Variants in AXIN2 observed in about 807,000 individuals in gnomAD.
AXIN2 encodes axin 2.
In AXIN2, 21 loss-of-function variants were observed where a neutral mutation model predicts 74.7. That is an observed-to-expected ratio of 0.28 (90% CI 0.20 to 0.40). The LOEUF is 0.40. AXIN2 is among the 10% of genes least tolerant of loss of function. The pLI, the probability that AXIN2 is intolerant of heterozygous loss-of-function variation, is 1.00. For missense variants in AXIN2, 1,144 were observed against 1,111.1 expected (o/e 1.03, Z -0.42); for synonymous variants, 532 against 454.9 (o/e 1.17, Z -2.16).
chr17:65,530,641 T>C (rs2043800779), intron 10 of AXIN2, among the ~76,000 whole-genome samples: 2 of 152,132 alleles, frequency 1.3e-5, no homozygotes, highest in Admixed American at 1.3e-4. Flanking sequence ...GGCCTTCCCA[T>C]CCTCCAGGTC....
At chr17:65,548,083 A>G (rs2044141015) in intron 3 of AXIN2, among the ~76,000 whole-genome samples, 1 of 152,242 alleles carries the variant, frequency 6.6e-6, no homozygotes, top group African/African-American at 2.4e-5. Context: ...AATTTCAGTC[A>G]ATATGGAAAA....
intron 2 of AXIN2, among the ~76,000 whole-genome samples, chr17:65,555,309 T>C (rs1212878330): frequency 6.6e-6 from 1 of 152,146 alleles, no homozygotes; most frequent in Non-Finnish European, 1.5e-5. Flanking sequence ...AGATGCCAGG[T>C]ACTCTGCAGA....
Position 65,538,233 on chromosome 17 carries a change from G to C in AXIN2, c.1170C>G (p.Ser390Arg). 6.2e-7 allele frequency: 1 copy of C among 1,614,176 alleles called. No individual in the cohort carries two copies. The highest frequency in any genetic ancestry group is 8.5e-7 in the Non-Finnish European group (1 of 1,180,038). The change falls in exon 5 of 11, where the codon AGC becomes AGG. Residue 390 changes from serine to arginine, a missense_variant. By Grantham distance (110) the Ser-to-Arg change is moderately radical (BLOSUM62 -1). This residue lies in a region of AXIN2 where 1,053 missense variants were observed against 973.5 expected (regional missense o/e 1.08). Transcript: ENST00000307078. ...KLKLELESRHSLEERLQQIRE... is the reference protein window; with the variant it reads ...KLKLELESRHRLEERLQQIRE... ...GGATCTGCTGCAGGCGCTCCTCCAG[G>C]CTGTGGCGGCTCTCCAACTCCAGCT...
rs1057522399 is a variant in AXIN2, at chr17:65,537,557, C to T, written c.1479G>A (p.Ser493=). Residue 493 remains serine, a synonymous_variant, in exon 6 of 11, where the codon TCG becomes TCA. Coordinates refer to ENST00000307078, the MANE Select transcript of AXIN2 (RefSeq NM_004655.4). ...CCCCGAGGAGGGGGCAGGCGCCCGGCGAGGCGGCCGCGGGAGGCAGCTTGC... is the reference window on the plus strand; with the variant it reads ...CCCCGAGGAGGGGGCAGGCGCCCGGTGAGGCGGCCGCGGGAGGCAGCTTGC... ...PGGKLPPAAA[S]PGACPLLGGK... 8 of 1,611,714 alleles carry T rather than the reference C, an allele frequency of 5.0e-6. No homozygotes were observed. Among genetic ancestry groups the T allele is most frequent in the African/African-American group, 1.3e-5 (1 of 74,836 alleles).
At position 65,536,321 on chromosome 17, in the gene AXIN2, G is replaced by A. The variant is rs148765149; in HGVS notation, c.2140C>T (p.Arg714Trp). The A allele has an allele frequency of 7.9e-5, 127 of 1,608,784 alleles. No homozygotes were observed. In the East Asian group the frequency reaches 2.5e-3, roughly 31 times the overall value. Residue 714 changes from arginine (R) to tryptophan (W), a missense_variant and splice_region_variant, in exon 8 of 11, where the codon CGG (arginine) becomes TGG (tryptophan). Transcript: ENST00000307078. ...LAEVSKPPKQ[R>W]CCVASQQRDR... is the part of the protein sequence containing the mutation. ...CTAGGACCCTTCACTTCCACTCACC[G>A]CTGCTTTGGGGGCTTCGACACCTCA...
chr17:65,547,290 A>T (rs1341858822), intron 3 of AXIN2, among the ~76,000 whole-genome samples: 1 of 152,194 alleles, frequency 6.6e-6, no homozygotes, highest in Non-Finnish European at 1.5e-5. Context: ...AAGTGGCTCA[A>T]AGGTCTCATG....
At chr17:65,558,882 G>A (rs1437311530) in intron 1 of AXIN2, 146 bp from the exon 2 acceptor site, 1 of 536,176 alleles carries the variant, frequency 1.9e-6, no homozygotes, top group Non-Finnish European at 3.3e-6. Context: ...TATCTGCGAG[G>A]TGCTCATCTA....
At position 65,537,403 on chromosome 17, in the gene AXIN2, C is replaced by A. The variant is rs148951121; in HGVS notation, c.1633G>T (p.Gly545Trp). 36 of 1,614,068 alleles carry A rather than the reference C, an allele frequency of 2.2e-5. No homozygotes were observed. The African/African-American group carries it at 4.4e-4, about 20-fold the overall frequency. ...ATQRVHCFCPGGSEYYCYSKC... is the reference protein window; with the variant it reads ...ATQRVHCFCPWGSEYYCYSKC... ...GAGTAGCAGTAATACTCGCTGCCCC[C>A]AGGGCAGAAGCAGTGCACCCGCTGC... is the stretch of plus-strand genomic sequence containing the variant. The change falls in exon 6 of 11, where the codon GGG (glycine) becomes TGG (tryptophan). Residue 545 changes from glycine to tryptophan, a missense_variant. Physicochemically the swap from Gly to Trp is radical, Grantham distance 184. Around this residue, in one of 4 missense-constraint regions of AXIN2, gnomAD observed 1,053 missense variants for 973.5 expected, o/e 1.08. Coordinates refer to ENST00000307078, the MANE Select transcript of AXIN2 (RefSeq NM_004655.4).
chr17:65,549,702 C>G lies in AXIN2; in HGVS notation c.816-42G>C, dbSNP rs191943038. 6.8e-5 allele frequency: 107 copies of G among 1,568,360 alleles called. No individual in the cohort carries two copies. In the Admixed American group the frequency reaches 2.0e-3, roughly 29 times the overall value. ...AAAGTGGTTCAGTCACTGACCCTCACCAGAAACCCAGGTAATCAGGTGACC... is the reference window on the plus strand; with the variant it reads ...AAAGTGGTTCAGTCACTGACCCTCAGCAGAAACCCAGGTAATCAGGTGACC... On this transcript the variant is annotated intron_variant, in intron 2 of 10. Coordinates refer to ENST00000307078, the MANE Select transcript of AXIN2 (RefSeq NM_004655.4).
chr17:65,530,782 C>T (rs2043803004), intron 10 of AXIN2, among the ~76,000 whole-genome samples: 1 of 152,218 alleles, frequency 6.6e-6, no homozygotes, highest in South Asian at 2.1e-4. Flanking sequence ...ATTTCCAGGC[C>T]TCTTCTCCCA....
At chr17:65,536,800 A>C in intron 7 of AXIN2, 69 bp downstream of exon 7, 1 of 1,602,262 alleles carries the variant, frequency 6.2e-7, no homozygotes, top group East Asian at 2.2e-5. Flanking sequence ...AAAAACAGCC[A>C]TTCCCACAAT....
intron 3 of AXIN2, among the ~76,000 whole-genome samples, chr17:65,546,462 G>A (rs1380543945): frequency 1.3e-5 from 2 of 152,158 alleles, no homozygotes; most frequent in Non-Finnish European, 2.9e-5. Context: ...ACATTGCATC[G>A]CCAAGTCTGC....
intron 2 of AXIN2, among the ~76,000 whole-genome samples, chr17:65,556,392 C>T (rs922919865): frequency 1.3e-5 from 2 of 152,132 alleles, no homozygotes; most frequent in Admixed American, 6.5e-5. Flanking sequence ...AGCAGGTGCC[C>T]GGCGACTGAC....
chr17:65,535,612 G>T lies in AXIN2; in HGVS notation c.2237+14C>A, dbSNP rs199967596. ...ACTCGGCAGATCTCAGTAATGTCAG[G>T]TAAAGACACTCACTCTTCTGGAGCC... is the stretch of plus-strand genomic sequence containing the variant. On this transcript the variant is annotated intron_variant, in intron 9 of 10. Coordinates refer to ENST00000307078, the MANE Select transcript of AXIN2 (RefSeq NM_004655.4). 1.9e-6 allele frequency: 3 copies of T among 1,611,400 alleles called. No homozygotes were observed. The highest frequency in any genetic ancestry group is 1.7e-5 in the Admixed American group (1 of 60,012).
chr17:65,557,778 A>T, intron 2 of AXIN2, 28 bp downstream of exon 2: 2 of 1,610,148 alleles, frequency 1.2e-6, no homozygotes, highest in Non-Finnish European at 1.7e-6. Context: ...CCACAGCATC[A>T]GCCCACCCGC....
intron 3 of AXIN2, among the ~76,000 whole-genome samples, chr17:65,545,085 A>T (rs2144517471): frequency 6.6e-6 from 1 of 152,348 alleles, no homozygotes; most frequent in East Asian, 1.9e-4. Context: ...TGTGTGAAAC[A>T]CCAAAAAATC....
intron 4 of AXIN2, among the ~76,000 whole-genome samples, chr17:65,540,788 A>C (rs1179368264): frequency 6.6e-6 from 1 of 152,152 alleles, no homozygotes; most frequent in Admixed American, 6.5e-5. Context: ...CTTGCGCATC[A>C]TGATTGAAAG....
intron 2 of AXIN2, among the ~76,000 whole-genome samples, chr17:65,557,443 G>A (rs2044282883): frequency 6.6e-6 from 1 of 152,154 alleles, no homozygotes; most frequent in Non-Finnish European, 1.5e-5. Flanking sequence ...TAGTGGTGAA[G>A]TGACCCCTTC....
At chr17:65,547,908 A>G (rs1284391601) in intron 3 of AXIN2, among the ~76,000 whole-genome samples, 2 of 152,264 alleles carry the variant, frequency 1.3e-5, no homozygotes, top group Admixed American at 1.3e-4. Flanking sequence ...TATGAGAGAA[A>G]TACCACAACA....
Sources: allele counts gnomAD v4.1 joint callset (sites outside exome capture counted in the v4.1 genomes callset), GRCh38; gene constraint gnomAD v4.1.1; regional missense constraint gnomAD v4.1.1; transcripts MANE v1.5; gene names NCBI Gene and HGNC (gene_info 2026-07-23, HGNC 2026-07-21).